Variants in PIP5K1C observed in about 807,000 individuals in gnomAD.
PIP5K1C encodes the protein phosphatidylinositol 4-phosphate 5-kinase type-1 gamma.
A neutral mutation model predicts 80.1 loss-of-function variants in PIP5K1C; 45 were observed. The ratio of observed to expected loss-of-function variants is 0.56; its 90% CI spans 0.44 to 0.72. The LOEUF (loss-of-function observed/expected upper bound fraction) is 0.72, where lower values mean the gene tolerates loss of function less well. PIP5K1C is among the 30% of genes least tolerant of loss of function. PIP5K1C has a pLI of 0.00. For synonymous variants in PIP5K1C, 498 were observed against 420.1 expected, an observed-to-expected ratio of 1.19 and a Z score of -2.27; for missense variants, 753 against 954.6, an observed-to-expected ratio of 0.79 and a Z score of 2.78.
intron 15 of PIP5K1C, among the ~76,000 whole-genome samples, chr19:3,640,242 C>T (rs543651410): frequency 8.5e-5 from 13 of 152,306 alleles, no homozygotes; most frequent in African/African-American, 2.4e-4. Flanking sequence ...GGGGCCGCCA[C>T]GGGGCTCACG....
Position 3,688,896 on chromosome 19 carries a change from T to TC in PIP5K1C, c.94+11400dup, listed in dbSNP as rs1466102862. Among the ~76,000 whole-genome samples, 1 of 146,480 alleles carries TC rather than the reference T, an allele frequency of 6.8e-6. No homozygotes were observed. The highest frequency in any genetic ancestry group is 1.5e-5 in the Non-Finnish European group (1 of 66,624). On this transcript the variant is annotated intron_variant, in intron 1 of 17. Transcript: ENST00000335312. This position sits in a 1 kb window ranked among gnomAD's most constrained non-coding sequence, Gnocchi z 5.3. ...GCCCCCGGTCCCCCTTCCAGCCTTG[T>TC]CCCCAACACAGCCTGCAAATGGGCG...
chr19:3,677,761 AGGATGG>A (rs2035410169), intron 1 of PIP5K1C, among the ~76,000 whole-genome samples: 4 of 85,022 alleles, frequency 4.7e-5, no homozygotes, highest in Admixed American at 1.1e-4. Flanking sequence ...GGAGGGATGG[AGGATGG>A]AGGATGGAGG....
rs1183242619 is a variant in PIP5K1C at position 3,648,228 on chromosome 19, GC to G, written c.1211+396del. The stretch of plus-strand genomic sequence containing the variant: ...TGTAGAGATGGGGTCTTGCTATGTT[GC>G]CCAGGCTGGTCTCAAACTCCTGGGC... On this transcript the variant is annotated intron_variant, in intron 9 of 17. Coordinates refer to ENST00000335312, the MANE Select transcript of PIP5K1C (RefSeq NM_012398.3). This position sits in a 1 kb window ranked among gnomAD's most constrained non-coding sequence, Gnocchi z 4.3. Among the ~76,000 whole-genome samples the G allele has an allele frequency of 6.6e-6, 1 of 151,942 alleles. No individual in the cohort carries two copies. Among genetic ancestry groups the G allele is most frequent in the Non-Finnish European group, 1.5e-5 (1 of 67,970 alleles).
At chr19:3,694,862 G>A (rs1488858066) in intron 1 of PIP5K1C, among the ~76,000 whole-genome samples, 4 of 152,086 alleles carry the variant, frequency 2.6e-5, no homozygotes, top group Non-Finnish European at 5.9e-5. Context: ...ACTCATCACC[G>A]CCCAACGCAG....
rs1163419140 is a variant in PIP5K1C, at chr19:3,637,461, C to A, written c.1920+1423G>T. 2 of 1,535,684 alleles carry A rather than the reference C, an allele frequency of 1.3e-6. No homozygotes were observed. Among genetic ancestry groups the A allele is most frequent in the Non-Finnish European group, 1.7e-6 (2 of 1,146,784 alleles). On this transcript the variant is annotated intron_variant, in intron 16 of 17. Transcript: ENST00000335312. The surrounding 1 kb of genome is among the most constrained non-coding windows in gnomAD (Gnocchi z 7.0). Reference sequence around the variant, plus strand: ...CTGACGTCAGACACTGAGCTTCCGGCCGGGGACCTGCGGCTCCCTGCTGCC... The same window carrying A: ...CTGACGTCAGACACTGAGCTTCCGGACGGGGACCTGCGGCTCCCTGCTGCC...
In PIP5K1C at chr19:3,637,282, G is replaced by A; in HGVS notation, c.1920+1602C>T. The A allele has an allele frequency of 6.7e-7, 1 of 1,487,962 alleles. No homozygotes were observed. Among genetic ancestry groups the A allele is most frequent in the Non-Finnish European group, 8.9e-7 (1 of 1,121,204 alleles). The allele number at this position is 1,487,962 out of a possible 1,614,324, so 92.2% of individuals were successfully genotyped here. On this transcript the variant is annotated intron_variant, in intron 16 of 17. Coordinates refer to ENST00000335312, the MANE Select transcript of PIP5K1C (RefSeq NM_012398.3). The surrounding 1 kb of genome is among the most constrained non-coding windows in gnomAD (Gnocchi z 7.0). ...GAAGCAGACCCTGGGCCTCAGCTGT[G>A]CACCTGGTGATGGTGCTGCCCTATG...
intron 6 of PIP5K1C, among the ~76,000 whole-genome samples, chr19:3,654,624 T>C (rs1285569921): frequency 6.6e-6 from 1 of 151,240 alleles, no homozygotes; most frequent in East Asian, 2.0e-4. Flanking sequence ...GAGACCAGCC[T>C]GGCCAACATG....
At chr19:3,640,578 CTG>C (rs1568311796) in intron 15 of PIP5K1C, among the ~76,000 whole-genome samples, 2 of 152,228 alleles carry the variant, frequency 1.3e-5, no homozygotes, top group Non-Finnish European at 2.9e-5. Context: ...CTATTGTGTC[CTG>C]TGTTTTTTAA....
At chr19:3,643,936 A>C (rs933923544) in intron 12 of PIP5K1C, 151 bp downstream of exon 12, 1 of 934,750 alleles carries the variant, frequency 1.1e-6, no homozygotes, top group Admixed American at 2.3e-5. Context: ...GGGCGGTCCC[A>C]GCAGCCCCCA....
chr19:3,678,021 AG>A (rs1179561607), intron 1 of PIP5K1C, among the ~76,000 whole-genome samples: 1 of 65,482 alleles, frequency 1.5e-5, no homozygotes, highest in African/African-American at 7.4e-5. Context: ...AGGGATGGAG[AG>A]ACGGAGGGAT....
At chr19:3,665,016 A>G (rs2034963858) in intron 2 of PIP5K1C, 102 bp from the exon 3 acceptor site, 2 of 960,402 alleles carry the variant, frequency 2.1e-6, no homozygotes, top group South Asian at 1.3e-5. Flanking sequence ...CGTTGGGCCC[A>G]GCAGGGGTGC....
rs1291501178 is a variant in PIP5K1C, at chr19:3,642,899, G to C, written c.1682+8C>G. 3 of 1,612,074 alleles carry C rather than the reference G, an allele frequency of 1.9e-6. No homozygotes were observed. Among genetic ancestry groups the C allele is most frequent in the Admixed American group, 3.3e-5 (2 of 59,996 alleles). ...GAGACCCAGGGAAGGAAGGGGGTTG[G>C]GTCTCACCTGCCATCCTGTCCAGAC... On this transcript the variant is annotated splice_region_variant and intron_variant, in intron 14 of 17. Coordinates refer to ENST00000335312, the MANE Select transcript of PIP5K1C (RefSeq NM_012398.3).
At chr19:3,685,396 T>C (rs2035726619) in intron 1 of PIP5K1C, among the ~76,000 whole-genome samples, 2 of 152,274 alleles carry the variant, frequency 1.3e-5, no homozygotes, top group South Asian at 4.1e-4. Flanking sequence ...AAGCAGGGGC[T>C]GGTATACCAC....
At chr19:3,650,597 G>T (rs2034402135) in intron 8 of PIP5K1C, among the ~76,000 whole-genome samples, 1 of 152,216 alleles carries the variant, frequency 6.6e-6, no homozygotes, top group South Asian at 2.1e-4. Context: ...CACATCCAGT[G>T]TCCCAGGAGA....
chr19:3,665,495 G>A (rs1376247060), intron 2 of PIP5K1C, among the ~76,000 whole-genome samples: 1 of 152,126 alleles, frequency 6.6e-6, no homozygotes, highest in Non-Finnish European at 1.5e-5. Flanking sequence ...GAACAGAGCG[G>A]GGGTCAGGCT....
intron 10 of PIP5K1C, among the ~76,000 whole-genome samples, chr19:3,646,575 G>A (rs887453974): frequency 4.1e-4 from 63 of 152,314 alleles, no homozygotes; most frequent in African/African-American, 1.5e-3. Flanking sequence ...GGGACATGCG[G>A]CGGCAGCACA....
rs2036256453 is a variant in PIP5K1C at position 3,700,286 on chromosome 19, C to T, written c.94+11G>A. The T allele has an allele frequency of 7.9e-7, 1 of 1,258,120 alleles. No individual in the cohort carries two copies. Among genetic ancestry groups the T allele is most frequent in the African/African-American group, 1.6e-5 (1 of 62,870 alleles). The allele number at this position is 1,258,120 out of a possible 1,614,324, so 77.9% of individuals were successfully genotyped here. ...CCAGCGGGCCGCAGCCCCGGGAGGC[C>T]GGGCCGTTACCTGCCGCCGCCCCGC... On this transcript the variant is annotated intron_variant, in intron 1 of 17. Transcript: ENST00000335312.
intron 1 of PIP5K1C, among the ~76,000 whole-genome samples, chr19:3,690,619 G>C (rs1463684312): frequency 6.6e-6 from 1 of 152,134 alleles, no homozygotes; most frequent in Non-Finnish European, 1.5e-5. Context: ...GAAAAGGAAA[G>C]AGTGATAAGT....
chr19:3,697,887 G>A (rs765562841), intron 1 of PIP5K1C, among the ~76,000 whole-genome samples: 3 of 152,162 alleles, frequency 2.0e-5, no homozygotes, highest in African/African-American at 7.2e-5. Context: ...CGTGCCCCAC[G>A]GCCACGGCCC....
Sources: allele counts gnomAD v4.1 joint callset (sites outside exome capture counted in the v4.1 genomes callset), GRCh38; gene constraint gnomAD v4.1.1; non-coding constraint Gnocchi (gnomAD v3.1); transcripts MANE v1.5; gene names NCBI Gene and HGNC (gene_info 2026-07-23, HGNC 2026-07-21).